MYO7B: variants seen among roughly 807,000 people sequenced by gnomAD.
The protein encoded by MYO7B is unconventional myosin-VIIb.
Under a neutral mutation model 259.7 loss-of-function variants are expected in MYO7B, and 212 were observed. That is an observed-to-expected ratio of 0.82 (90% CI 0.73 to 0.91). The LOEUF is 0.91. Ranked by LOEUF, MYO7B falls within the 40% of genes least tolerant of loss-of-function variation. The pLI, the probability that MYO7B is intolerant of heterozygous loss-of-function variation, is 0.00. For synonymous variants in MYO7B, 1,197 were observed against 1,166.4 expected (o/e 1.03, Z -0.54); for missense variants, 2,732 against 2,813.5 (o/e 0.97, Z 0.66).
chr2:127,576,287 T>C lies in MYO7B; in HGVS notation c.736-308T>C, dbSNP rs1223048481. Reference sequence around the variant, plus strand: ...TAAGTGCCTGTGAAGACTGTGGGACTATAAGAGAGCCCCGACTCTGTGCCA... The same window carrying C: ...TAAGTGCCTGTGAAGACTGTGGGACCATAAGAGAGCCCCGACTCTGTGCCA... On this transcript the variant is annotated intron_variant, in intron 7 of 47. Coordinates refer to ENST00000409816, the MANE Select transcript of MYO7B (RefSeq NM_001393586.1). The surrounding 1 kb of genome is among the most constrained non-coding windows in gnomAD (Gnocchi z 4.9). Among the ~76,000 whole-genome samples the C allele has an allele frequency of 6.6e-6, 1 of 152,104 alleles. No homozygotes were observed. Among genetic ancestry groups the C allele is most frequent in the Non-Finnish European group, 1.5e-5 (1 of 68,026 alleles).
chr2:127,628,213 A>G lies in MYO7B; in HGVS notation c.4461-159A>G. On this transcript the variant is annotated intron_variant, in intron 33 of 47. Coordinates refer to ENST00000409816, the MANE Select transcript of MYO7B (RefSeq NM_001393586.1). This position sits in a 1 kb window ranked among gnomAD's most constrained non-coding sequence, Gnocchi z 4.8. ...GTGCTCCGCCGTCCTTCATTTGTCC[A>G]GACCCACAGTGGTGTCTGGCCTAGT... The G allele has an allele frequency of 1.1e-6, 1 of 873,130 alleles. No homozygotes were observed. Among genetic ancestry groups the G allele is most frequent in the Non-Finnish European group, 1.8e-6 (1 of 542,750 alleles). 54.1% of individuals were successfully genotyped at this position (873,130 alleles called of 1,614,324 possible). A position where few individuals can be genotyped will look rare whatever the true frequency, so the allele number is the denominator to read the frequency against.
chr2:127,577,799 C>T lies in MYO7B; in HGVS notation c.850-334C>T, dbSNP rs1381824745. ...GCGCAGCACAGGGCCTGGCCCATGG[C>T]GAGCCATGGAAAGTGTTTCTTAAAG... On this transcript the variant is annotated intron_variant, in intron 8 of 47. Transcript: ENST00000409816. The surrounding 1 kb of genome is among the most constrained non-coding windows in gnomAD (Gnocchi z 5.2). 2.0e-5 allele frequency among the ~76,000 whole-genome samples: 3 copies of T among 152,308 alleles called. No individual in the cohort carries two copies. The highest frequency in any genetic ancestry group is 3.4e-3 in the Middle Eastern group (1 of 294).
intron 10 of MYO7B, among the ~76,000 whole-genome samples, 195 bp downstream of exon 10, chr2:127,581,017 C>T (rs191053158): frequency 5.3e-5 from 8 of 152,312 alleles, no homozygotes; most frequent in Admixed American, 1.3e-4. Flanking sequence ...CCAAACAGAG[C>T]GGCGGAATGG....
intron 12 of MYO7B, among the ~76,000 whole-genome samples, chr2:127,583,084 C>G (rs140303893): frequency 6.6e-6 from 1 of 152,340 alleles, no homozygotes; most frequent in Non-Finnish European, 1.5e-5. Flanking sequence ...ACGACTGGTA[C>G]AAGCAGGCTG....
chr2:127,605,686 C>T (rs1436562774), intron 19 of MYO7B, among the ~76,000 whole-genome samples, 158 bp from the exon 20 acceptor site: 1 of 152,214 alleles, frequency 6.6e-6, no homozygotes, highest in Non-Finnish European at 1.5e-5. Flanking sequence ...CCTGCCTGTG[C>T]GTCTTTTGGT....
At chr2:127,608,196 C>A (rs1367631776) in intron 21 of MYO7B, among the ~76,000 whole-genome samples, 2 of 152,236 alleles carry the variant, frequency 1.3e-5, no homozygotes, top group Non-Finnish European at 2.9e-5. Context: ...ACTAAGCACA[C>A]TGCTAATACA....
chr2:127,630,964 C>T, intron 36 of MYO7B, 56 bp downstream of exon 36: 1 of 1,495,330 alleles, frequency 6.7e-7, no homozygotes, highest in Non-Finnish European at 9.1e-7. Flanking sequence ...CCCCACCTCA[C>T]CTCATTGCAC....
intron 38 of MYO7B, 95 bp downstream of exon 38, chr2:127,631,848 G>A (rs989863195): frequency 6.8e-6 from 10 of 1,460,036 alleles, no homozygotes; most frequent in Middle Eastern, 2.5e-4. Context: ...ACCGCAGCTG[G>A]TGGCGGCAGA....
intron 7 of MYO7B, among the ~76,000 whole-genome samples, chr2:127,574,379 T>C (rs925859279): frequency 1.3e-5 from 2 of 151,276 alleles, no homozygotes; most frequent in Admixed American, 6.6e-5. Context: ...CTACAAAAAA[T>C]ATGAAAAAAA....
chr2:127,607,474 G>GCCAGCCCCACC lies in MYO7B; in HGVS notation c.2643+50_2643+51insCCAGCCCCACC. 6.7e-7 allele frequency: 1 copy of GCCAGCCCCACC among 1,496,966 alleles called. No individual in the cohort carries two copies. The highest frequency in any genetic ancestry group is 9.1e-7 in the Non-Finnish European group (1 of 1,102,262). 92.7% of individuals were successfully genotyped at this position (1,496,966 alleles called of 1,614,324 possible). A position where few individuals can be genotyped will look rare whatever the true frequency, so the allele number is the denominator to read the frequency against. Reference sequence around the variant, plus strand: ...GCAGGTGGGGCTGGCTGGGGCCCCAGTGGGTGAGGGCAAGAAGGAGTGAGC... The same window carrying GCCAGCCCCACC: ...GCAGGTGGGGCTGGCTGGGGCCCCAGCCAGCCCCACCTGGGTGAGGGCAAGAAGGAGTGAGC... On this transcript the variant is annotated intron_variant, in intron 21 of 47. Transcript: ENST00000409816. The surrounding 1 kb of genome is among the most constrained non-coding windows in gnomAD (Gnocchi z 4.4).
intron 1 of MYO7B, among the ~76,000 whole-genome samples, chr2:127,543,192 T>G (rs575235369): frequency 6.6e-6 from 1 of 152,240 alleles, no homozygotes; most frequent in Non-Finnish European, 1.5e-5. Context: ...GGCTATCACA[T>G]GGGGAGAAAT....
chr2:127,601,031 A>C (rs915501037), intron 19 of MYO7B, among the ~76,000 whole-genome samples: 2 of 152,210 alleles, frequency 1.3e-5, no homozygotes, highest in African/African-American at 4.8e-5. Flanking sequence ...ATTCAATTTC[A>C]TTCACTTTCA....
intron 43 of MYO7B, 193 bp downstream of exon 43, chr2:127,635,419 T>A: frequency 3.2e-6 from 2 of 633,342 alleles, no homozygotes; most frequent in Non-Finnish European, 5.5e-6. Flanking sequence ...GGACAGTGAC[T>A]GCACTGGCAC....
chr2:127,622,020 C>G lies in MYO7B; in HGVS notation c.3564C>G (p.Tyr1188Ter). The G allele has an allele frequency of 1.9e-6, 3 of 1,551,818 alleles. No individual in the cohort carries two copies. The highest frequency in any genetic ancestry group is 1.7e-4 in the Middle Eastern group (1 of 5,992). Residue 1188 changes from tyrosine (Y) to a stop codon, truncating the protein, a stop_gained, in exon 28 of 48, where the codon TAC (tyrosine) becomes TAG (stop). Coordinates refer to ENST00000409816, the MANE Select transcript of MYO7B (RefSeq NM_001393586.1). LOFTEE classifies it high-confidence loss of function. ...TCATCGGCCAAGGGCCGGCGACCTACGGCCCCTTCTGTGCCGAGCGCCTGA... is the reference window on the plus strand; with the variant it reads ...TCATCGGCCAAGGGCCGGCGACCTAGGGCCCCTTCTGTGCCGAGCGCCTGA... ...LNFIGQGPAT[Y>*]GPFCAERLRR...
chr2:127,552,320 T>C (rs1288494802), intron 1 of MYO7B, among the ~76,000 whole-genome samples: 1 of 152,064 alleles, frequency 6.6e-6, no homozygotes, highest in East Asian at 1.9e-4. Context: ...CCAGGCTAGT[T>C]GGGGATGGAA....
chr2:127,630,588 C>T (rs1681422287), intron 35 of MYO7B, among the ~76,000 whole-genome samples, 190 bp from the exon 36 acceptor site: 1 of 152,178 alleles, frequency 6.6e-6, no homozygotes, highest in African/African-American at 2.4e-5. Context: ...GGAAAGGAGA[C>T]AGGCACCAAG....
intron 31 of MYO7B, 32 bp from the exon 32 acceptor site, chr2:127,626,943 T>A (rs1681160197): frequency 1.3e-6 from 2 of 1,569,900 alleles, no homozygotes; most frequent in Non-Finnish European, 1.7e-6. Flanking sequence ...GGAAGGCAGG[T>A]GACGGAGGTG....
intron 3 of MYO7B, 54 bp from the exon 4 acceptor site, chr2:127,565,179 C>T: frequency 6.4e-7 from 1 of 1,571,498 alleles, no homozygotes; most frequent in East Asian, 2.3e-5. Context: ...GTGTGGCAGG[C>T]TGGCCATGGG....
At chr2:127,635,032 T>G (rs1573730764) in intron 42 of MYO7B, 88 bp from the exon 43 acceptor site, 3 of 1,015,850 alleles carry the variant, frequency 3.0e-6, no homozygotes. Flanking sequence ...GGCAGGGAGG[T>G]GGCAGGCGCA....
Sources: allele counts gnomAD v4.1 joint callset (sites outside exome capture counted in the v4.1 genomes callset), GRCh38; gene constraint gnomAD v4.1.1; non-coding constraint Gnocchi (gnomAD v3.1); transcripts MANE v1.5; gene names NCBI Gene and HGNC (gene_info 2026-07-23, HGNC 2026-07-21).